The following CFAP47 variants were observed in gnomAD, a reference collection of about 807,000 sequenced individuals.
CFAP47 encodes the protein cilia- and flagella-associated protein 47.
Under a neutral mutation model 148.1 loss-of-function variants are expected in CFAP47, and 29 were observed. The ratio of observed to expected loss-of-function variants is 0.20; its 90% confidence interval spans 0.15 to 0.27. CFAP47 has a LOEUF of 0.27. Ranked by LOEUF, CFAP47 falls within the 10% of genes least tolerant of loss-of-function variation. The pLI, the probability that CFAP47 is intolerant of heterozygous loss-of-function variation, is 1.00. For synonymous variants in CFAP47, 664 were observed against 577.3 expected, an observed-to-expected ratio of 1.15 and a Z score of -2.15; for missense variants, 1,872 against 1,697.5, an observed-to-expected ratio of 1.10 and a Z score of -1.81.
chrX:36,181,991 T>G (rs1782998426), intron 40 of CFAP47, among the ~76,000 whole-genome samples: 1 of 112,364 alleles, frequency 8.9e-6, no homozygotes, highest in African/African-American at 3.2e-5. Flanking sequence ...TTTCTGACAG[T>G]TCTAAAGAGA....
chrX:35,979,341 T>A (rs147756092), intron 15 of CFAP47, among the ~76,000 whole-genome samples: 2,170 of 109,875 alleles, frequency 0.02, 66 homozygotes, highest in African/African-American at 0.069. Flanking sequence ...CTGTGGGTAT[T>A]TTTCATGCTT....
chrX:35,952,441 C>T (rs1485276118), intron 6 of CFAP47, among the ~76,000 whole-genome samples: 1 of 112,227 alleles, frequency 8.9e-6, no homozygotes, highest in Non-Finnish European at 1.9e-5. Flanking sequence ...ACTTTTAGCA[C>T]TTAAGCCAGT....
chrX:36,301,435 T>C (rs781932555), intron 53 of CFAP47, among the ~76,000 whole-genome samples: 75 of 109,546 alleles, frequency 6.8e-4, no homozygotes, highest in Admixed American at 1.0e-3. Context: ...ACCATTGCAA[T>C]AGGGAAAGAC....
chrX:36,355,203 CA>C (rs1395932194), intron 60 of CFAP47, among the ~76,000 whole-genome samples: 1 of 107,777 alleles, frequency 9.3e-6, no homozygotes, highest in Non-Finnish European at 1.9e-5. Context: ...TGGCTAACGT[CA>C]AAAAAAAACG....
At chrX:36,124,204 G>A (rs1938797775) in intron 33 of CFAP47, among the ~76,000 whole-genome samples, 1 of 111,614 alleles carries the variant, frequency 9.0e-6, no homozygotes, top group Admixed American at 9.5e-5. Context: ...CTTCTCAGGT[G>A]GAGGGAAAGA....
chrX:35,926,981 C>CA (rs1194059874), intron 2 of CFAP47, among the ~76,000 whole-genome samples: 5 of 106,946 alleles, frequency 4.7e-5, no homozygotes, highest in African/African-American at 1.7e-4. Flanking sequence ...CCCACCTCTA[C>CA]AAAAAATACA....
chrX:36,246,823 G>T (rs950875771), intron 48 of CFAP47, among the ~76,000 whole-genome samples: 4 of 111,562 alleles, frequency 3.6e-5, no homozygotes, highest in Non-Finnish European at 5.7e-5. Flanking sequence ...ATACACTGTT[G>T]TTGGGAATGT....
chrX:35,959,878 C>CA (rs755201291), intron 8 of CFAP47, among the ~76,000 whole-genome samples: 1,068 of 29,163 alleles, frequency 0.037, 42 homozygotes, highest in African/African-American at 0.083. Context: ...GACTCCGTCT[C>CA]AAAAAAAAAA....
intron 46 of CFAP47, among the ~76,000 whole-genome samples, chrX:36,235,342 C>T (rs1199638055): frequency 8.9e-6 from 1 of 112,457 alleles, no homozygotes; most frequent in Non-Finnish European, 1.9e-5. Context: ...CTCCCCCAGC[C>T]TCGCTGCTGC....
chrX:36,350,171 A>T, intron 59 of CFAP47, 39 bp downstream of exon 59: 2 of 856,894 alleles, frequency 2.3e-6, no homozygotes, highest in Non-Finnish European at 1.7e-6. Context: ...CAGAATTCTT[A>T]GAGACCTTAG....
At position 36,228,828 on chromosome X, in the gene CFAP47, T is replaced by A. The variant is rs781914460; in HGVS notation, c.7014+4T>A. 2 of 515,220 alleles carry A rather than the reference T, an allele frequency of 3.9e-6. No individual in the cohort carries two copies. The highest frequency in any genetic ancestry group is 5.2e-5 in the South Asian group (2 of 38,626). The allele number at this position is 515,220 out of a possible 1,213,427, so 42.5% of individuals were successfully genotyped here. A position where few individuals can be genotyped will look rare whatever the true frequency, so the allele number is the denominator to read the frequency against. ...CCTTACTCAGAATATTCCAATAGTA[T>A]GTATAAACTTTTTTGGTACCTTTCT... On this transcript the variant is annotated splice_donor_region_variant and intron_variant, in intron 46 of 63. Coordinates refer to ENST00000378653, the MANE Select transcript of CFAP47 (RefSeq NM_001304548.2).
chrX:35,924,794 C>G (rs1483772617), intron 1 of CFAP47, among the ~76,000 whole-genome samples: 6 of 111,014 alleles, frequency 5.4e-5, no homozygotes, highest in Non-Finnish European at 1.1e-4. Context: ...AAGTTGTGTA[C>G]TCTTGAAAGC....
chrX:36,228,793 C>A lies in CFAP47; in HGVS notation c.6983C>A (p.Ala2328Glu), dbSNP rs189435285. The A allele has an allele frequency of 7.6e-6, 4 of 524,541 alleles. No homozygotes were observed. Among genetic ancestry groups the A allele is most frequent in the Non-Finnish European group, 1.4e-5 (4 of 286,070 alleles). 43.2% of individuals were successfully genotyped at this position (524,541 alleles called of 1,213,427 possible). The stretch of plus-strand genomic sequence containing the variant: ...GCCAAATTTGAGTTTGAAACACCAG[C>A]ATTTGAAGCCCTTACTCAGAATATT... ...PEAKFEFETP[A>E]FEALTQNIPI... Residue 2328 changes from alanine to glutamate, a missense_variant, in exon 46 of 64, where the codon GCA becomes GAA. Physicochemically the swap from Ala to Glu is moderately radical, Grantham distance 107 (BLOSUM62 -1). Transcript: ENST00000378653.
chrX:36,068,981 T>C (rs965952135), intron 27 of CFAP47, among the ~76,000 whole-genome samples: 2 of 108,680 alleles, frequency 1.8e-5, no homozygotes, highest in Admixed American at 2.0e-4. Flanking sequence ...AGAAAAAAGA[T>C]TTTTTTGACG....
chrX:36,097,575 T>A (rs1332488455), intron 30 of CFAP47, among the ~76,000 whole-genome samples: 1 of 111,337 alleles, frequency 9.0e-6, no homozygotes, highest in Admixed American at 9.6e-5. Context: ...CATACCACTC[T>A]CTCCTGGCCT....
At chrX:36,164,932 A>G (rs954120744) in intron 39 of CFAP47, among the ~76,000 whole-genome samples, 12 of 111,959 alleles carry the variant, frequency 1.1e-4, no homozygotes, top group African/African-American at 3.2e-4. Flanking sequence ...CTTTATACCC[A>G]TTGAACAACA....
chrX:36,205,238 A>G, intron 45 of CFAP47, 128 bp downstream of exon 45: 1 of 285,407 alleles, frequency 3.5e-6, no homozygotes, highest in East Asian at 4.9e-5. Flanking sequence ...GAAGGGTTTC[A>G]GTGAAGTAAA....
Position 36,247,933 on chromosome X carries a change from A to T in CFAP47, c.7333-3400A>T, listed in dbSNP as rs781806144. On this transcript the variant is annotated intron_variant, in intron 48 of 63. Transcript: ENST00000378653. ...CCATTTTAAATAAAATGACAAAAATAGTTTGAAAGTAAAACATATACCATG... is the reference window on the plus strand; with the variant it reads ...CCATTTTAAATAAAATGACAAAAATTGTTTGAAAGTAAAACATATACCATG... Among the ~76,000 whole-genome samples the T allele has an allele frequency of 9.0e-5, 10 of 110,955 alleles. No individual in the cohort carries two copies. The South Asian group carries it at 3.0e-3, about 33-fold the overall frequency.
At chrX:36,261,342 T>TTTTTTTG (rs1940818363) in intron 49 of CFAP47, among the ~76,000 whole-genome samples, 1 of 97,868 alleles carries the variant, frequency 1.0e-5, no homozygotes, top group Non-Finnish European at 2.0e-5. Context: ...TTTTTTTTTT[T>TTTTTTTG]TTCATTGATC....
Sources: gnomAD v4.1 joint callset for allele counts (sites outside exome capture counted in the v4.1 genomes callset) on GRCh38, gnomAD v4.1.1 for gene constraint, MANE v1.5 for transcripts, NCBI Gene and HGNC (gene_info 2026-07-23, HGNC 2026-07-21) for gene names.